GARIN1B: variants seen among roughly 807,000 people sequenced by gnomAD.
GARIN1B encodes golgi associated RAB2 interactor 1B.
the GARIN1B span, chr7:128,731,500 G>A: frequency 6.6e-5 from 20 of 303,388 alleles, no homozygotes; most frequent in South Asian, 1.6e-4. Flanking sequence ...AATAGGAAAC[G>A]GAAGAGACTT....
At chr7:128,721,299 A>T in the GARIN1B span, among the ~76,000 whole-genome samples, 1 of 152,138 alleles carries the variant, frequency 6.6e-6, no homozygotes, top group Non-Finnish European at 1.5e-5. Context: ...TAGTAGACAA[A>T]TTCTGCAAGT....
At chr7:128,727,078 A>G in the GARIN1B span, among the ~76,000 whole-genome samples, 1 of 152,160 alleles carries the variant, frequency 6.6e-6, no homozygotes, top group African/African-American at 2.4e-5. Context: ...TTTGCAATGT[A>G]TCTTGTATTC....
chr7:128,730,972 C>A, the GARIN1B span: 1 of 886,964 alleles, frequency 1.1e-6, no homozygotes, highest in Non-Finnish European at 1.9e-6. Flanking sequence ...CCACCACCAA[C>A]CCTTATAAGA....
chr7:128,716,924 A>G, the GARIN1B span: 9 of 1,614,016 alleles, frequency 5.6e-6, no homozygotes, highest in South Asian at 1.1e-5. Flanking sequence ...ACTCATGGCC[A>G]GTGTCAAATG....
chr7:128,729,999 C>T, the GARIN1B span: 166 of 1,614,190 alleles, frequency 1.0e-4, 1 homozygote, highest in South Asian at 2.9e-4. Flanking sequence ...AGAACCCCTC[C>T]GGCCTGCAGC....
At chr7:128,723,471 G>C in the GARIN1B span, 1 of 845,960 alleles carries the variant, frequency 1.2e-6, no homozygotes, top group South Asian at 2.0e-5. Context: ...CCGGCACTTT[G>C]GGAGGTCAAG....
chr7:128,714,799 C>T, the GARIN1B span, among the ~76,000 whole-genome samples: 1 of 152,052 alleles, frequency 6.6e-6, no homozygotes, highest in Admixed American at 6.6e-5. Context: ...TTCTATTCCT[C>T]CCAGCCAGCG....
At chr7:128,726,701 T>G in the GARIN1B span, 2 of 866,084 alleles carry the variant, frequency 2.3e-6, no homozygotes, top group South Asian at 3.3e-5. Flanking sequence ...ACAGCTGGCC[T>G]TTTTCATATT....
the GARIN1B span, chr7:128,729,836 C>A: frequency 6.5e-7 from 1 of 1,539,152 alleles, no homozygotes; most frequent in South Asian, 1.2e-5. Flanking sequence ...CCCCAAATGT[C>A]AGCTGTAACC....
the GARIN1B span, among the ~76,000 whole-genome samples, chr7:128,710,704 GAC>G: frequency 6.9e-5 from 10 of 145,792 alleles, no homozygotes; most frequent in Non-Finnish European, 1.0e-4. Flanking sequence ...TTTTTTTTGA[GAC>G]AGAGTTTTGG....
chr7:128,723,051 C>T, the GARIN1B span: 2 of 944,522 alleles, frequency 2.1e-6, no homozygotes, highest in Non-Finnish European at 3.0e-6. Flanking sequence ...AAAATATGGC[C>T]TCAGAATTGC....
At chr7:128,715,191 A>G in the GARIN1B span, 1 of 948,294 alleles carries the variant, frequency 1.1e-6, no homozygotes. Context: ...TTCCGGGAGG[A>G]CTATGTCCTG....
chr7:128,717,168 C>T, the GARIN1B span, among the ~76,000 whole-genome samples: 222 of 152,162 alleles, frequency 1.5e-3, 1 homozygote, highest in African/African-American at 5.1e-3. Context: ...AGGACAGAGG[C>T]CAAGTGGGAC....
At chr7:128,730,128 G>A in the GARIN1B span, 1 of 1,565,776 alleles carries the variant, frequency 6.4e-7, no homozygotes, top group East Asian at 2.3e-5. Context: ...TCAGCCTCAG[G>A]GCTGGGTCAG....
At chr7:128,725,114 C>G in the GARIN1B span, 1 of 182,474 alleles carries the variant, frequency 5.5e-6, no homozygotes, top group Admixed American at 5.9e-5. Context: ...ATTGTTAATT[C>G]TAACTTGGCT....
At chr7:128,711,159 A>T in the GARIN1B span, among the ~76,000 whole-genome samples, 1 of 152,116 alleles carries the variant, frequency 6.6e-6, no homozygotes, top group Non-Finnish European at 1.5e-5. Flanking sequence ...TCCTCCTGGC[A>T]TGCTTTGGGA....
the GARIN1B span, among the ~76,000 whole-genome samples, chr7:128,721,586 T>G: frequency 2.0e-5 from 3 of 152,286 alleles, no homozygotes; most frequent in Non-Finnish European, 4.4e-5. Flanking sequence ...TCTAGATTTG[T>G]TTATTGCTCT....
the GARIN1B span, chr7:128,724,641 A>C: frequency 1.9e-6 from 2 of 1,044,610 alleles, no homozygotes; most frequent in Non-Finnish European, 2.5e-6. Context: ...AGTCCCAGAT[A>C]AAGTGGGATC....
the GARIN1B span, among the ~76,000 whole-genome samples, chr7:128,725,861 G>A: frequency 5.3e-5 from 8 of 152,180 alleles, no homozygotes; most frequent in Non-Finnish European, 8.8e-5. Context: ...GGGTCACTGG[G>A]GGCCTACTGG....
Sources: gnomAD v4.1 joint callset for allele counts (sites outside exome capture counted in the v4.1 genomes callset) on GRCh38, gnomAD v4.1.1 for gene constraint, MANE v1.5 for transcripts, NCBI Gene and HGNC (gene_info 2026-07-23, HGNC 2026-07-21) for gene names.